The following DNM3 variants were observed in gnomAD, a reference collection of about 807,000 sequenced individuals.
DNM3 encodes dynamin-3.
DNM3 carries 47 observed loss-of-function variants against 101.6 expected under a neutral mutation model. The ratio of observed to expected loss-of-function variants is 0.46; its 90% CI spans 0.37 to 0.59. The LOEUF (loss-of-function observed/expected upper bound fraction) is 0.59. DNM3 is among the 20% of genes least tolerant of loss of function. The probability of loss-of-function intolerance (pLI) is 0.00; values close to 1 mark genes in which losing one functional copy is unlikely to be tolerated. For missense variants in DNM3, 849 were observed against 1,085.7 expected (o/e 0.78, Z 3.06); for synonymous variants, 385 against 387.9 (o/e 0.99, Z 0.09).
chr1:171,924,704 C>T (rs1163094540), intron 2 of DNM3, among the ~76,000 whole-genome samples: 1 of 152,124 alleles, frequency 6.6e-6, no homozygotes, highest in African/African-American at 2.4e-5. Context: ...GATTACAATT[C>T]AAGATGAGAT....
In DNM3 at chr1:172,202,053, G is replaced by A. The variant is rs569950107; in HGVS notation, c.1660-51520G>A. On this transcript the variant is annotated intron_variant, in intron 14 of 20. Coordinates refer to ENST00000627582, the MANE Select transcript of DNM3 (RefSeq NM_015569.5). ...GTCTTGCTTTTCTTTATTCTCTGTGGATCAAGTTATTTTCTTGATTAGCCC... is the reference window on the plus strand; with the variant it reads ...GTCTTGCTTTTCTTTATTCTCTGTGAATCAAGTTATTTTCTTGATTAGCCC... 5.9e-5 allele frequency among the ~76,000 whole-genome samples: 9 copies of A among 152,204 alleles called. 1 individual carries two copies. Among genetic ancestry groups the A allele is most frequent in the African/African-American group, 2.2e-4 (9 of 41,550 alleles).
chr1:172,246,445 A>G (rs1434351713), intron 14 of DNM3, among the ~76,000 whole-genome samples: 1 of 152,164 alleles, frequency 6.6e-6, no homozygotes, highest in Non-Finnish European at 1.5e-5. Context: ...AAAAGACAAG[A>G]AGGCTGGAAA....
chr1:172,411,327 G>C lies in DNM3; in HGVS notation c.*3486G>C. The C allele has an allele frequency of 2.0e-6, 2 of 984,924 alleles. No homozygotes were observed. The highest frequency in any genetic ancestry group is 1.2e-6 in the Non-Finnish European group (1 of 829,600). 61.0% of individuals were successfully genotyped at this position (984,924 alleles called of 1,614,324 possible). On this transcript the variant is annotated 3_prime_UTR_variant, in exon 21 of 21. Transcript: ENST00000627582. ...AGCTCATAATTACCATGACAACATG[G>C]TAATGTCCATAGACATTTGTATCTG...
At chr1:172,097,277 G>A (rs1003675597) in intron 13 of DNM3, among the ~76,000 whole-genome samples, 2 of 152,052 alleles carry the variant, frequency 1.3e-5, no homozygotes, top group African/African-American at 4.8e-5. Flanking sequence ...GCGAGTGCCT[G>A]TAATCCAAGC....
intron 1 of DNM3, among the ~76,000 whole-genome samples, chr1:171,890,599 GA>G (rs1165544995): frequency 1.3e-5 from 2 of 152,060 alleles, no homozygotes; most frequent in East Asian, 3.8e-4. Flanking sequence ...CTTCCACTGG[GA>G]AAAGATATCA....
At chr1:172,039,028 C>A (rs189131207) in intron 7 of DNM3, among the ~76,000 whole-genome samples, 1 of 151,914 alleles carries the variant, frequency 6.6e-6, no homozygotes, top group Non-Finnish European at 1.5e-5. Context: ...CCTTCATGAT[C>A]TTCCCATCTT....
At chr1:171,997,270 A>G (rs1358814453) in intron 4 of DNM3, among the ~76,000 whole-genome samples, 1 of 152,162 alleles carries the variant, frequency 6.6e-6, no homozygotes, top group Non-Finnish European at 1.5e-5. Flanking sequence ...TTGTAATAGA[A>G]TTATTTTGAA....
downstream of DNM3, among the ~76,000 whole-genome samples, chr1:172,412,933 T>C (rs573989836): frequency 2.8e-4 from 43 of 152,336 alleles, no homozygotes; most frequent in South Asian, 6.2e-3. Context: ...GTGGGAGACA[T>C]TGTGTTTCTG....
chr1:172,068,762 C>CT, intron 10 of DNM3, 57 bp from the exon 11 acceptor site: 1 of 1,399,170 alleles, frequency 7.1e-7, no homozygotes, highest in Non-Finnish European at 9.9e-7. Flanking sequence ...ATCTCTGCTT[C>CT]TTTTTTGGTA....
At chr1:172,219,966 G>A (rs902855980) in intron 14 of DNM3, among the ~76,000 whole-genome samples, 10 of 152,186 alleles carry the variant, frequency 6.6e-5, no homozygotes, top group Non-Finnish European at 5.9e-5. Flanking sequence ...TCAGTTTAAA[G>A]TCAGCTTTTT....
At chr1:172,184,621 G>C (rs2059459624) in intron 14 of DNM3, among the ~76,000 whole-genome samples, 1 of 152,052 alleles carries the variant, frequency 6.6e-6, no homozygotes, top group Admixed American at 6.6e-5. Context: ...GTTGAATGTT[G>C]CTCTCTTCAT....
intron 15 of DNM3, among the ~76,000 whole-genome samples, chr1:172,261,092 A>G (rs1485858896): frequency 6.6e-6 from 1 of 152,140 alleles, no homozygotes; most frequent in Non-Finnish European, 1.5e-5. Context: ...GACTATAGGC[A>G]CATGCCACTA....
At chr1:171,844,767 T>G (rs2031809725) in intron 1 of DNM3, among the ~76,000 whole-genome samples, 1 of 152,234 alleles carries the variant, frequency 6.6e-6, no homozygotes, top group African/African-American at 2.4e-5. Context: ...GAATAGAATT[T>G]GAGACCTATA....
Position 172,132,828 on chromosome 1 carries a change from A to T in DNM3, c.1659+1540A>T, listed in dbSNP as rs535725832. On this transcript the variant is annotated intron_variant, in intron 14 of 20. Transcript: ENST00000627582. The stretch of plus-strand genomic sequence containing the variant: ...TCCCTATTGTTGATGAGAAAACTAA[A>T]AATAAAACAAAACCTTTTTTTAAAA... 16 of 732,896 alleles carry T rather than the reference A, an allele frequency of 2.2e-5. No individual in the cohort carries two copies. In the South Asian group the frequency reaches 2.4e-4, roughly 11 times the overall value. The allele number at this position is 732,896 out of a possible 1,614,324, so 45.4% of individuals were successfully genotyped here.
At chr1:171,954,661 T>G (rs2042741461) in intron 2 of DNM3, among the ~76,000 whole-genome samples, 1 of 152,184 alleles carries the variant, frequency 6.6e-6, no homozygotes, top group Non-Finnish European at 1.5e-5. Flanking sequence ...CAATTTAGCA[T>G]GCCTGCTCAC....
chr1:172,214,743 TG>T (rs1326697201), intron 14 of DNM3, among the ~76,000 whole-genome samples: 2 of 152,096 alleles, frequency 1.3e-5, no homozygotes, highest in African/African-American at 4.8e-5. Flanking sequence ...GAAAGATCGC[TG>T]AAAAAATTAA....
intron 12 of DNM3, among the ~76,000 whole-genome samples, chr1:172,091,705 T>C (rs75207221): frequency 0.036 from 5,452 of 152,096 alleles, 230 homozygotes; most frequent in East Asian, 0.13. Flanking sequence ...TGGACTTTGG[T>C]TTTTACCATT....
chr1:172,292,876 A>G (rs1485285522), intron 15 of DNM3, among the ~76,000 whole-genome samples: 1 of 152,360 alleles, frequency 6.6e-6, no homozygotes, highest in East Asian at 1.9e-4. Context: ...CATATGAAAA[A>G]AAGTTTTCAT....
rs1001886316 is a variant in DNM3, at chr1:172,408,471, G to A, written c.*630G>A. On this transcript the variant is annotated 3_prime_UTR_variant, in exon 21 of 21. Coordinates refer to ENST00000627582, the MANE Select transcript of DNM3 (RefSeq NM_015569.5). ...CTAAAGAGCTTCTCCTCATTCCAAT[G>A]TGTTTTGCTTCATGCTAGAAGCATA... is the stretch of plus-strand genomic sequence containing the variant. The A allele has an allele frequency of 5.1e-6, 5 of 985,238 alleles. No homozygotes were observed. In the African/African-American group the frequency reaches 7.0e-5, roughly 14 times the overall value. 61.0% of individuals were successfully genotyped at this position (985,238 alleles called of 1,614,324 possible). A position where few individuals can be genotyped will look rare whatever the true frequency, so the allele number is the denominator to read the frequency against.
Sources: allele counts gnomAD v4.1 joint callset (sites outside exome capture counted in the v4.1 genomes callset), GRCh38; gene constraint gnomAD v4.1.1; transcripts MANE v1.5; gene names NCBI Gene and HGNC (gene_info 2026-07-23, HGNC 2026-07-21).